Variants in ACSF2 observed in about 807,000 individuals in gnomAD.
ACSF2 encodes the protein medium-chain acyl-CoA ligase ACSF2, mitochondrial.
ACSF2 carries 52 observed loss-of-function variants against 79.3 expected under a neutral mutation model. The observed-to-expected ratio is 0.66, with a 90% CI of 0.53 to 0.83. The LOEUF (loss-of-function observed/expected upper bound fraction) is 0.83, where lower values mean the gene tolerates loss of function less well. ACSF2 is among the 40% of genes least tolerant of loss of function. The pLI, the probability that ACSF2 is intolerant of heterozygous loss-of-function variation, is 0.00. For synonymous variants in ACSF2, 283 were observed against 312.6 expected (o/e 0.91, Z 1.00); for missense variants, 661 against 803.3 (o/e 0.82, Z 2.14).
Position 50,464,303 on chromosome 17 carries a change from T to C in ACSF2, c.1215+9T>C. ...ATATGAAGGACCTGGTGGTGAGTGG[T>C]GACTGCGGCCCGGGCTGTGGGCAGG... On this transcript the variant is annotated intron_variant, in intron 10 of 15. Coordinates refer to ENST00000300441, the MANE Select transcript of ACSF2 (RefSeq NM_025149.6). 6.2e-7 allele frequency: 1 copy of C among 1,613,970 alleles called. No individual in the cohort carries two copies. Among genetic ancestry groups the C allele is most frequent in the Non-Finnish European group, 8.5e-7 (1 of 1,179,966 alleles).
chr17:50,465,987 G>T, intron 10 of ACSF2: 1 of 1,110,710 alleles, frequency 9.0e-7, no homozygotes, highest in Non-Finnish European at 1.3e-6. Context: ...ACTTTGAGGA[G>T]TTTCCCAGTT....
In ACSF2 at chr17:50,472,598, G is replaced by A. The variant is rs376691609; in HGVS notation, c.1475+19G>A. 3.8e-6 allele frequency: 6 copies of A among 1,573,638 alleles called. No individual in the cohort carries two copies. In the East Asian group the frequency reaches 1.4e-4, roughly 37 times the overall value. ...GGACAGGGTGAGAAGGCAGGGCGGG[G>A]TGGAGGCTCTGGCCGCTGAGGGGAG... On this transcript the variant is annotated intron_variant, in intron 12 of 15. Transcript: ENST00000300441.
In ACSF2 at chr17:50,473,788, G is replaced by A. The variant is rs779161017; in HGVS notation, c.1599G>A (p.Pro533=). ...AELEDFFHTH[P]KVQEVQVVGV... is the part of the protein sequence containing the mutation. ...TCGAGGACTTCTTTCACACACACCC[G>A]AAGGTGCAGGAAGTGCAGGTGAGGC... The change falls in exon 13 of 16, where the codon CCG becomes CCA. Residue 533 remains proline (P), a synonymous_variant. Coordinates refer to ENST00000300441, the MANE Select transcript of ACSF2 (RefSeq NM_025149.6). 79 of 1,614,228 alleles carry A rather than the reference G, an allele frequency of 4.9e-5. No individual in the cohort carries two copies. The highest frequency in any genetic ancestry group is 6.2e-5 in the Non-Finnish European group (73 of 1,180,046).
chr17:50,474,729 C>T lies in ACSF2; in HGVS notation c.*177C>T, dbSNP rs1385526954. 4.6e-6 allele frequency: 3 copies of T among 652,826 alleles called. No individual in the cohort carries two copies. Among genetic ancestry groups the T allele is most frequent in the Non-Finnish European group, 7.7e-6 (3 of 390,506 alleles). The allele number at this position is 652,826 out of a possible 1,614,324, so 40.4% of individuals were successfully genotyped here. A position where few individuals can be genotyped will look rare whatever the true frequency, so the allele number is the denominator to read the frequency against. The stretch of plus-strand genomic sequence containing the variant: ...ATGGGTCCGGGAACTCGCCTGGGCA[C>T]AAGGTGCCAAAAGGCAGGCAGCCTG... On this transcript the variant is annotated 3_prime_UTR_variant, in exon 16 of 16. Transcript: ENST00000300441. This position sits in a 1 kb window ranked among gnomAD's most constrained non-coding sequence, Gnocchi z 4.2.
intron 2 of ACSF2, 120 bp downstream of exon 2, chr17:50,460,992 A>G (rs1354716545): frequency 4.9e-5 from 61 of 1,254,288 alleles, no homozygotes; most frequent in Non-Finnish European, 6.1e-5. Flanking sequence ...CTGCCAGAGA[A>G]CCCCGAGGGA....
chr17:50,466,547 C>T (rs2032743549), intron 10 of ACSF2, among the ~76,000 whole-genome samples: 1 of 152,198 alleles, frequency 6.6e-6, no homozygotes, highest in South Asian at 2.1e-4. Flanking sequence ...GTGGGGCTGC[C>T]AGAGTTTGGC....
At chr17:50,464,373 C>G (rs2032545476) in intron 10 of ACSF2, 79 bp downstream of exon 10, 1 of 1,412,368 alleles carries the variant, frequency 7.1e-7, no homozygotes, top group African/African-American at 1.4e-5. Flanking sequence ...GGGATGAGTC[C>G]AGGCCAGATG....
At chr17:50,469,074 GC>G in intron 10 of ACSF2, 2 of 1,237,180 alleles carry the variant, frequency 1.6e-6, no homozygotes, top group Non-Finnish European at 1.0e-6. Context: ...TGGGACCGTG[GC>G]CCCCGAGCCC....
chr17:50,452,617 G>A (rs2031747140), intron 1 of ACSF2, among the ~76,000 whole-genome samples: 1 of 152,090 alleles, frequency 6.6e-6, no homozygotes, highest in African/African-American at 2.4e-5. Flanking sequence ...AACCACCATG[G>A]CAAACGTTTA....
chr17:50,474,106 C>G lies in ACSF2; in HGVS notation c.1729-93C>G. 6.3e-7 allele frequency: 1 copy of G among 1,590,092 alleles called. No homozygotes were observed. The highest frequency in any genetic ancestry group is 8.6e-7 in the Non-Finnish European group (1 of 1,161,108). ...GGGGATTGCTCTGCCCTTGACGAAG[C>G]TGACTCCTGGCCAGGCCAGCCCCTG... is the stretch of plus-strand genomic sequence containing the variant. On this transcript the variant is annotated intron_variant, in intron 14 of 15. Transcript: ENST00000300441. The surrounding 1 kb of genome is among the most constrained non-coding windows in gnomAD (Gnocchi z 4.2).
intron 6 of ACSF2, chr17:50,462,839 T>A: frequency 1.7e-6 from 1 of 584,140 alleles, no homozygotes. Flanking sequence ...CCAACACAGG[T>A]TGGAACTGCT....
chr17:50,467,984 G>A, intron 10 of ACSF2: 1 of 1,508,894 alleles, frequency 6.6e-7, no homozygotes. Flanking sequence ...CCTGGCTCCT[G>A]GGGCCTCCAG....
chr17:50,460,776 G>A lies in ACSF2; in HGVS notation c.228G>A (p.Gln76=), dbSNP rs746018585. The A allele has an allele frequency of 4.3e-6, 7 of 1,613,078 alleles. No individual in the cohort carries two copies. The African/African-American group carries it at 6.7e-5, about 15-fold the overall frequency. Residue 76 remains glutamine (Q), a synonymous_variant, in exon 2 of 16, where the codon CAG becomes CAA. Coordinates refer to ENST00000300441, the MANE Select transcript of ACSF2 (RefSeq NM_025149.6). Reference sequence around the variant, plus strand: ...ATCTTAACAGCAAGACTGTGGGCCAGTGCCTGGAGACCACAGCACAGAGGG... The same window carrying A: ...ATCTTAACAGCAAGACTGTGGGCCAATGCCTGGAGACCACAGCACAGAGGG... ...KKHLNSKTVG[Q]CLETTAQRVP...
intron 5 of ACSF2, 37 bp downstream of exon 5, chr17:50,462,339 C>T (rs1406094568): frequency 1.2e-6 from 2 of 1,612,436 alleles, no homozygotes; most frequent in African/African-American, 2.7e-5. Flanking sequence ...GTGCATCATT[C>T]AGCATCCCTG....
Position 50,462,464 on chromosome 17 carries a change from C to T in ACSF2, c.671C>T (p.Pro224Leu), listed in dbSNP as rs1218655049. 11 of 1,605,338 alleles carry T rather than the reference C, an allele frequency of 6.9e-6. No homozygotes were observed. Among genetic ancestry groups the T allele is most frequent in the Admixed American group, 3.4e-5 (2 of 59,230 alleles). ...GTCATCTCGGTGGATGCCCCTTTGC[C>T]GGGGACCCTGCTCCTGGATGAAGTG... The part of the protein sequence containing the change: ...TTVISVDAPL[P>L]GTLLLDEVVA... Residue 224 changes from proline (P) to leucine (L), a missense_variant, in exon 6 of 16, where the codon CCG becomes CTG. Coordinates refer to ENST00000300441, the MANE Select transcript of ACSF2 (RefSeq NM_025149.6).
intron 10 of ACSF2, chr17:50,467,874 G>C (rs975992382): frequency 1.7e-4 from 108 of 631,538 alleles, no homozygotes; most frequent in Middle Eastern, 1.1e-3. Context: ...ATTAGGGTAG[G>C]GATGTGACAA....
intron 10 of ACSF2, chr17:50,468,157 C>A: frequency 6.2e-7 from 1 of 1,614,160 alleles, no homozygotes; most frequent in East Asian, 2.2e-5. Flanking sequence ...CCTCCACCAC[C>A]CGTAGCTTGC....
At chr17:50,467,363 C>T (rs531862419) in intron 10 of ACSF2, among the ~76,000 whole-genome samples, 2 of 152,332 alleles carry the variant, frequency 1.3e-5, no homozygotes, top group South Asian at 2.1e-4. Context: ...TGCCCCTTCA[C>T]GGAGCCCATG....
At chr17:50,439,474 A>G (rs994545028) in intron 1 of ACSF2, among the ~76,000 whole-genome samples, 21 of 152,140 alleles carry the variant, frequency 1.4e-4, no homozygotes, top group African/African-American at 4.8e-4. Flanking sequence ...TCAGATGGAC[A>G]TAAGTTGAGA....
Sources: allele counts gnomAD v4.1 joint callset (sites outside exome capture counted in the v4.1 genomes callset), GRCh38; gene constraint gnomAD v4.1.1; non-coding constraint Gnocchi (gnomAD v3.1); transcripts MANE v1.5; gene names NCBI Gene and HGNC (gene_info 2026-07-23, HGNC 2026-07-21).